Variants in DNAJA1 observed in about 807,000 individuals in gnomAD.
The protein encoded by DNAJA1 is DnaJ heat shock protein family (Hsp40) member A1, also known as dnaJ homolog subfamily A member 1.
In DNAJA1, 26 loss-of-function variants were observed where a neutral mutation model predicts 47.6. The ratio of observed to expected loss-of-function variants is 0.55; its 90% CI spans 0.40 to 0.76. DNAJA1 has a LOEUF of 0.76. Ranked by LOEUF, DNAJA1 falls within the 30% of genes least tolerant of loss-of-function variation. DNAJA1 has a pLI of 0.00. For synonymous variants in DNAJA1, 165 were observed against 158.4 expected (o/e 1.04, Z -0.31); for missense variants, 315 against 485.0 (o/e 0.65, Z 3.29).
intron 3 of DNAJA1, among the ~76,000 whole-genome samples, chr9:33,029,576 A>C (rs1465061043): frequency 1.3e-5 from 2 of 152,222 alleles, no homozygotes; most frequent in Non-Finnish European, 2.9e-5. Context: ...TGCCCTTTTA[A>C]ATAACATTGG....
intron 6 of DNAJA1, 27 bp from the exon 7 acceptor site, chr9:33,036,547 T>C: frequency 1.4e-6 from 2 of 1,472,822 alleles, no homozygotes; most frequent in African/African-American, 1.4e-5. Flanking sequence ...ATTTGAAAAA[T>C]ATAAATATGT....
chr9:33,030,394 A>G (rs1175946869), intron 4 of DNAJA1, 46 bp from the exon 5 acceptor site: 2 of 1,547,844 alleles, frequency 1.3e-6, no homozygotes, highest in Admixed American at 1.7e-5. Flanking sequence ...TTACTACTGT[A>G]TACACTACTA....
chr9:33,027,063 C>G (rs1378160890), intron 3 of DNAJA1, 73 bp downstream of exon 3: 22 of 1,557,540 alleles, frequency 1.4e-5, no homozygotes, highest in Non-Finnish European at 1.9e-5. Context: ...GAGAAATCAC[C>G]CATTTTAAAT....
chr9:33,036,543 AAAATAT>A (rs1274499424), intron 6 of DNAJA1, 25 bp from the exon 7 acceptor site: 2 of 1,472,996 alleles, frequency 1.4e-6, no homozygotes, highest in Admixed American at 2.0e-5. Context: ...CGTGATTTGA[AAAATAT>A]AAATATGTGT....
chr9:33,029,747 G>GTA, intron 3 of DNAJA1, 138 bp from the exon 4 acceptor site: 1 of 580,924 alleles, frequency 1.7e-6, no homozygotes, highest in Non-Finnish European at 3.0e-6. Flanking sequence ...AACATTCTGT[G>GTA]TATATAGTAG....
chr9:33,034,283 C>T lies in DNAJA1; in HGVS notation c.711C>T (p.Gly237=), dbSNP rs771629152. The T allele has an allele frequency of 6.2e-6, 10 of 1,609,316 alleles. No individual in the cohort carries two copies. Among genetic ancestry groups the T allele is most frequent in the Middle Eastern group, 1.7e-4 (1 of 6,036 alleles). The part of the protein sequence containing the change: ...EGDQEPGLEP[G]DIIIVLDQKD... ...ACCAAGAACCAGGACTGGAGCCAGGCGATATTATCATTGTGTTAGATCAGA... is the reference window on the plus strand; with the variant it reads ...ACCAAGAACCAGGACTGGAGCCAGGTGATATTATCATTGTGTTAGATCAGA... The change falls in exon 6 of 9, where the codon GGC becomes GGT. Residue 237 remains glycine (G), a synonymous_variant. Coordinates refer to ENST00000330899, the MANE Select transcript of DNAJA1 (RefSeq NM_001539.4).
intron 5 of DNAJA1, 21 bp from the exon 6 acceptor site, chr9:33,034,195 A>C (rs1253261564): frequency 2.0e-5 from 31 of 1,521,914 alleles, no homozygotes; most frequent in Non-Finnish European, 2.7e-5. Flanking sequence ...TAAAAGTACA[A>C]AATTAATGTT....
intron 8 of DNAJA1, among the ~76,000 whole-genome samples, chr9:33,037,998 CTTTT>C (rs74178843): frequency 2.8e-5 from 4 of 144,432 alleles, no homozygotes; most frequent in African/African-American, 7.7e-5. Flanking sequence ...TTAATTAAAA[CTTTT>C]TTTTTTTTTT....
intron 6 of DNAJA1, 182 bp from the exon 7 acceptor site, chr9:33,036,392 C>T: frequency 2.4e-6 from 1 of 417,042 alleles, no homozygotes; most frequent in Non-Finnish European, 4.3e-6. Context: ...GGAAACGGGG[C>T]TGGCAGGTTG....
At position 33,038,991 on chromosome 9, in the gene DNAJA1, C is replaced by G. The variant is rs1839077807; in HGVS notation, c.*88C>G. On this transcript the variant is annotated 3_prime_UTR_variant, in exon 9 of 9. Coordinates refer to ENST00000330899, the MANE Select transcript of DNAJA1 (RefSeq NM_001539.4). ...GTAATCATAATATGCTCACTACTTG[C>G]TCTTGTTTTTGTTTTAATAAACTAT... 8.0e-7 allele frequency: 1 copy of G among 1,244,078 alleles called. No homozygotes were observed. The highest frequency in any genetic ancestry group is 1.5e-5 in the African/African-American group (1 of 66,278). The allele number at this position is 1,244,078 out of a possible 1,614,324, so 77.1% of individuals were successfully genotyped here. A position where few individuals can be genotyped will look rare whatever the true frequency, so the allele number is the denominator to read the frequency against.
rs1022472750 is a variant in DNAJA1, at chr9:33,037,043, G to A, written c.903G>A (p.Lys301=). 1 of 1,613,484 alleles carries A rather than the reference G, an allele frequency of 6.2e-7. No homozygotes were observed. Among genetic ancestry groups the A allele is most frequent in the Admixed American group, 1.7e-5 (1 of 59,836 alleles). ...PGQIVKHGDI[K]CVLNEGMPIY... Reference sequence around the variant, plus strand: ...AGATTGTCAAGCATGGAGATATCAAGTGTGTACTAAATGAAGGCATGCCAA... The same window carrying A: ...AGATTGTCAAGCATGGAGATATCAAATGTGTACTAAATGAAGGCATGCCAA... Residue 301 remains lysine, a synonymous_variant, in exon 8 of 9, where the codon AAG becomes AAA. Coordinates refer to ENST00000330899, the MANE Select transcript of DNAJA1 (RefSeq NM_001539.4).
At chr9:33,036,303 C>A in intron 6 of DNAJA1, 7 of 161,050 alleles carry the variant, frequency 4.3e-5, no homozygotes, top group East Asian at 1.8e-4. Flanking sequence ...AGATTTAAAA[C>A]TAGGTAATGA....
intron 6 of DNAJA1, among the ~76,000 whole-genome samples, chr9:33,034,760 T>C (rs961488352): frequency 3.3e-5 from 5 of 152,222 alleles, no homozygotes; most frequent in African/African-American, 4.8e-5. Flanking sequence ...TAAGTATAAA[T>C]TCAGGTCTAC....
intron 3 of DNAJA1, among the ~76,000 whole-genome samples, chr9:33,029,646 G>A (rs868243038): frequency 8.5e-5 from 13 of 152,190 alleles, no homozygotes; most frequent in African/African-American, 2.9e-4. Context: ...AGATGGCCAC[G>A]TCTGTGCCCT....
intron 5 of DNAJA1, among the ~76,000 whole-genome samples, chr9:33,031,958 CA>C (rs1000583178): frequency 3.7e-4 from 56 of 152,180 alleles, no homozygotes; most frequent in African/African-American, 1.3e-3. Flanking sequence ...TGTCAACTTG[CA>C]AAAACATTTT....
chr9:33,031,418 A>G lies in DNAJA1; in HGVS notation c.643+751A>G, dbSNP rs558101645. Among the ~76,000 whole-genome samples the G allele has an allele frequency of 4.5e-4, 68 of 152,090 alleles. No homozygotes were observed. The South Asian group carries it at 0.014, about 31-fold the overall frequency. On this transcript the variant is annotated intron_variant, in intron 5 of 8. Coordinates refer to ENST00000330899, the MANE Select transcript of DNAJA1 (RefSeq NM_001539.4). ...CGCCTCATGTTTATTTTTTAAACCAATGGGCATGTTTTTGTTTGTTTGTTT... is the reference window on the plus strand; with the variant it reads ...CGCCTCATGTTTATTTTTTAAACCAGTGGGCATGTTTTTGTTTGTTTGTTT...
At chr9:33,038,584 T>C in intron 8 of DNAJA1, 101 bp from the exon 9 acceptor site, 1 of 1,054,790 alleles carries the variant, frequency 9.5e-7, no homozygotes, top group Non-Finnish European at 1.4e-6. Context: ...TTCACCTAAA[T>C]ATTACGTGTT....
chr9:33,038,549 C>G, intron 8 of DNAJA1, 136 bp from the exon 9 acceptor site: 1 of 733,938 alleles, frequency 1.4e-6, no homozygotes. Context: ...CTTTTTAGAG[C>G]CTGTTCTAAC....
intron 7 of DNAJA1, 94 bp downstream of exon 7, chr9:33,036,783 C>T: frequency 1.1e-6 from 1 of 934,266 alleles, no homozygotes; most frequent in Non-Finnish European, 1.6e-6. Context: ...CTGAGGGAAA[C>T]CCATTGTTTT....
Sources: gnomAD v4.1 joint callset for allele counts (sites outside exome capture counted in the v4.1 genomes callset) on GRCh38, gnomAD v4.1.1 for gene constraint, MANE v1.5 for transcripts, NCBI Gene and HGNC (gene_info 2026-07-23, HGNC 2026-07-21) for gene names.